Variants in ANK2 observed in about 807,000 individuals in gnomAD.
ANK2 encodes ankyrin-2.
Under a neutral mutation model 360.5 loss-of-function variants are expected in ANK2, and 83 were observed. The ratio of observed to expected loss-of-function variants is 0.23; its 90% CI spans 0.19 to 0.28. The LOEUF is 0.28. ANK2 is among the 10% of genes least tolerant of loss of function. ANK2 has a pLI of 1.00. For missense variants in ANK2, 4,201 were observed against 4,795.7 expected, an observed-to-expected ratio of 0.88 and a Z score of 3.66; for synonymous variants, 1,740 against 1,759.5, an observed-to-expected ratio of 0.99 and a Z score of 0.28.
chr4:113,095,504 A>T (rs568043991), intron 1 of ANK2, among the ~76,000 whole-genome samples: 5 of 152,138 alleles, frequency 3.3e-5, no homozygotes, highest in Non-Finnish European at 5.9e-5. Context: ...GCACGAAGAC[A>T]AGAAATGTTT....
chr4:113,209,214 T>A (rs1192739506), intron 4 of ANK2, among the ~76,000 whole-genome samples: 1 of 151,878 alleles, frequency 6.6e-6, no homozygotes, highest in Admixed American at 6.6e-5. Flanking sequence ...GAGGTCTAGC[T>A]AACAAAGGAG....
chr4:112,800,395 G>A, the ANK2 span, among the ~76,000 whole-genome samples: 10 of 152,154 alleles, frequency 6.6e-5, no homozygotes, highest in Admixed American at 2.0e-4. Flanking sequence ...CAAATCTAGC[G>A]TGTGTGTGTA....
intron 34 of ANK2, among the ~76,000 whole-genome samples, chr4:113,344,167 A>T (rs2094575836): frequency 6.6e-6 from 1 of 152,216 alleles, no homozygotes; most frequent in South Asian, 2.1e-4. Context: ...CTATATAATT[A>T]AGCTAATGTT....
At chr4:112,820,212 A>G (rs867223505) in intron 1 of ANK2, among the ~76,000 whole-genome samples, 1 of 152,212 alleles carries the variant, frequency 6.6e-6, no homozygotes, top group African/African-American at 2.4e-5. Context: ...TTATCATCAC[A>G]TTAGGCTAGC....
At chr4:113,161,059 A>C (rs1405817365) in intron 1 of ANK2, among the ~76,000 whole-genome samples, 2 of 152,238 alleles carry the variant, frequency 1.3e-5, no homozygotes, top group Non-Finnish European at 2.9e-5. Context: ...TTTTAAAAGA[A>C]GATCTTGGGC....
chr4:112,764,369 CTTG>C, the ANK2 span, among the ~76,000 whole-genome samples: 2 of 151,424 alleles, frequency 1.3e-5, no homozygotes, highest in African/African-American at 4.9e-5. Context: ...AAGTTTCGTT[CTTG>C]TTGTCCAGGC....
At chr4:112,817,128 T>C (rs1447953532), upstream of ANK2, among the ~76,000 whole-genome samples, 1 of 152,254 alleles carries the variant, frequency 6.6e-6, no homozygotes, top group Non-Finnish European at 1.5e-5. Flanking sequence ...TCATAAAGTC[T>C]TATTGATTTT....
chr4:113,289,646 C>A (rs1480489175), intron 20 of ANK2, among the ~76,000 whole-genome samples: 2 of 152,148 alleles, frequency 1.3e-5, no homozygotes, highest in Non-Finnish European at 2.9e-5. Flanking sequence ...TCTTTATATT[C>A]TCTTAGAAGC....
intron 1 of ANK2, among the ~76,000 whole-genome samples, chr4:113,158,408 A>G (rs957818077): frequency 2.6e-5 from 4 of 152,334 alleles, no homozygotes; most frequent in Middle Eastern, 3.4e-3. Context: ...TCATGACTAC[A>G]TTATTAGTAC....
rs78195713 is a variant in ANK2 at position 113,247,725 on chromosome 4, C to T, written c.892-2039C>T. On this transcript the variant is annotated intron_variant, in intron 9 of 45. Transcript: ENST00000357077. ...CTTAGAGAGATTCATCCATGGTGAC[C>T]GATTTGAGATTCACTGCAGGGTTCC... 5.7e-3 allele frequency among the ~76,000 whole-genome samples: 869 copies of T among 152,268 alleles called. 54 individuals carry two copies. In the East Asian group the frequency reaches 0.14, roughly 25 times the overall value.
intron 2 of ANK2, among the ~76,000 whole-genome samples, chr4:112,994,225 G>A (rs1011192934): frequency 2.0e-5 from 3 of 152,152 alleles, no homozygotes; most frequent in Admixed American, 2.0e-4. Flanking sequence ...TATATATGGT[G>A]CCAACAGTCA....
chr4:113,327,745 GGGGC>G (rs1444303787), intron 26 of ANK2, among the ~76,000 whole-genome samples: 3 of 152,132 alleles, frequency 2.0e-5, no homozygotes, highest in African/African-American at 7.2e-5. Flanking sequence ...TGTGACATCT[GGGGC>G]TTACACCATG....
In ANK2 at chr4:113,124,799, A is replaced by T. The variant is rs185103535; in HGVS notation, c.85-49617A>T. On this transcript the variant is annotated intron_variant, in intron 1 of 45. Coordinates refer to ENST00000357077, the MANE Select transcript of ANK2 (RefSeq NM_001148.6). ...TTATTATGTTGCTTATCATAGGGGAACACCTCAACAGAAAACAATGTAAGT... is the reference window on the plus strand; with the variant it reads ...TTATTATGTTGCTTATCATAGGGGATCACCTCAACAGAAAACAATGTAAGT... Among the ~76,000 whole-genome samples the T allele has an allele frequency of 2.6e-5, 4 of 152,216 alleles. No homozygotes were observed. The East Asian group carries it at 7.7e-4, about 29-fold the overall frequency.
intron 1 of ANK2, among the ~76,000 whole-genome samples, chr4:113,163,860 A>G (rs2097654580): frequency 1.3e-5 from 2 of 151,564 alleles, no homozygotes. Flanking sequence ...ATATTATCCA[A>G]TGGTTTTTAG....
chr4:113,241,537 A>T (rs562804528), intron 8 of ANK2, among the ~76,000 whole-genome samples: 4 of 152,294 alleles, frequency 2.6e-5, no homozygotes, highest in African/African-American at 9.6e-5. Context: ...ATGAGGTCTT[A>T]CTATATTGCC....
chr4:112,859,398 T>C (rs999601832), intron 1 of ANK2, among the ~76,000 whole-genome samples: 2 of 152,210 alleles, frequency 1.3e-5, no homozygotes, highest in Non-Finnish European at 2.9e-5. Flanking sequence ...AAATTCCTGC[T>C]ATTCTTACGT....
At chr4:112,726,190 GC>G in the ANK2 span, among the ~76,000 whole-genome samples, 1 of 152,306 alleles carries the variant, frequency 6.6e-6, no homozygotes, top group East Asian at 1.9e-4. Flanking sequence ...TAGGAAGAGA[GC>G]CAGTTGTAGC....
chr4:113,245,016 T>C (rs1334540452), intron 9 of ANK2, among the ~76,000 whole-genome samples: 1 of 152,210 alleles, frequency 6.6e-6, no homozygotes, highest in Non-Finnish European at 1.5e-5. Context: ...AGTCTATCAT[T>C]GATGGGCATT....
At chr4:113,069,713 T>C (rs1421176453) in intron 1 of ANK2, among the ~76,000 whole-genome samples, 1 of 152,166 alleles carries the variant, frequency 6.6e-6, no homozygotes, top group Non-Finnish European at 1.5e-5. Context: ...ATGTGAGTCA[T>C]TGCTCTTTCA....
Sources: allele counts gnomAD v4.1 joint callset (sites outside exome capture counted in the v4.1 genomes callset), GRCh38; gene constraint gnomAD v4.1.1; transcripts MANE v1.5; gene names NCBI Gene and HGNC (gene_info 2026-07-23, HGNC 2026-07-21).